HPCAL1: variants seen among roughly 807,000 people sequenced by gnomAD.
HPCAL1 encodes the protein hippocalcin like 1, also known as hippocalcin-like protein 1.
In HPCAL1, 8 loss-of-function variants were observed where a neutral mutation model predicts 17.1. The ratio of observed to expected loss-of-function variants is 0.47; its 90% CI spans 0.27 to 0.84. The LOEUF is 0.84. Ranked by LOEUF, HPCAL1 falls within the 40% of genes least tolerant of loss-of-function variation. HPCAL1 has a pLI of 0.13. For missense variants in HPCAL1, 165 were observed against 271.1 expected, an observed-to-expected ratio of 0.61 and a Z score of 2.75; for synonymous variants, 112 against 111.4, an observed-to-expected ratio of 1.01 and a Z score of -0.03.
At chr2:10,382,732 AC>A (rs78719627) in intron 1 of HPCAL1, among the ~76,000 whole-genome samples, 26,604 of 151,692 alleles carry the variant, frequency 0.18, 2,977 homozygotes, top group East Asian at 0.49. Context: ...CGCATGCACC[AC>A]CCCCTCCCTG....
At chr2:10,355,786 A>G (rs1300974666) in intron 1 of HPCAL1, among the ~76,000 whole-genome samples, 1 of 151,624 alleles carries the variant, frequency 6.6e-6, no homozygotes, top group Admixed American at 6.6e-5. Flanking sequence ...TTTTTTTCCT[A>G]AATAGATACA....
intron 1 of HPCAL1, among the ~76,000 whole-genome samples, chr2:10,393,814 T>A (rs1668845904): frequency 6.6e-6 from 1 of 152,120 alleles, no homozygotes; most frequent in Non-Finnish European, 1.5e-5. Flanking sequence ...TTCCATGGCC[T>A]TTTAAAAATC....
At chr2:10,387,051 G>T (rs1351948177) in intron 1 of HPCAL1, among the ~76,000 whole-genome samples, 1 of 152,186 alleles carries the variant, frequency 6.6e-6, no homozygotes, top group African/African-American at 2.4e-5. Context: ...GTCGCCCGGG[G>T]CAAGTGGCTC....
chr2:10,344,809 CTCTCTGTGTCTG>C lies in HPCAL1; in HGVS notation c.-111+41640_-111+41651del, dbSNP rs1041544580. Among the ~76,000 whole-genome samples, 1 of 151,914 alleles carries C rather than the reference CTCTCTGTGTCTG, an allele frequency of 6.6e-6. No individual in the cohort carries two copies. Among genetic ancestry groups the C allele is most frequent in the African/African-American group, 2.4e-5 (1 of 41,346 alleles). ...TGACTTTCTGTCTCTTTCTGCTTCT[CTCTCTGTGTCTG>C]TCTCTGTCTCTCTCTTTCTGTGTGT... On this transcript the variant is annotated intron_variant, in intron 1 of 4. Transcript: ENST00000307845. This position sits in a 1 kb window ranked among gnomAD's most constrained non-coding sequence, Gnocchi z 4.9.
At position 10,330,014 on chromosome 2, in the gene HPCAL1, C is replaced by T. The variant is rs1211806758; in HGVS notation, c.-111+26837C>T. ...GGGCCACACGGAAGGAGTTCCTGGTCTCGTGACACCTGCACAAATGGTCTT... is the reference window on the plus strand; with the variant it reads ...GGGCCACACGGAAGGAGTTCCTGGTTTCGTGACACCTGCACAAATGGTCTT... On this transcript the variant is annotated intron_variant, in intron 1 of 4. Coordinates refer to ENST00000307845, the MANE Select transcript of HPCAL1 (RefSeq NM_002149.4). This position sits in a 1 kb window ranked among gnomAD's most constrained non-coding sequence, Gnocchi z 4.2. 6.6e-6 allele frequency: 1 copy of T among 152,172 alleles called. No individual in the cohort carries two copies. Among genetic ancestry groups the T allele is most frequent in the Non-Finnish European group, 1.5e-5 (1 of 68,052 alleles). The allele number at this position is 152,172 out of a possible 1,614,324, so 9.4% of individuals were successfully genotyped here. A position where few individuals can be genotyped will look rare whatever the true frequency, so the allele number is the denominator to read the frequency against.
intron 2 of HPCAL1, among the ~76,000 whole-genome samples, chr2:10,416,157 G>C (rs140416400): frequency 3.3e-5 from 5 of 152,352 alleles, no homozygotes; most frequent in Non-Finnish European, 7.3e-5. Context: ...GGTAACCTCA[G>C]GTCCTCAGGC....
chr2:10,396,765 C>T (rs1181863988), intron 1 of HPCAL1, 70 bp from the exon 2 acceptor site: 1 of 152,322 alleles, frequency 6.6e-6, no homozygotes, highest in African/African-American at 2.4e-5. Flanking sequence ...ACAGAAGCAA[C>T]CAGAGGGAGG....
intron 1 of HPCAL1, among the ~76,000 whole-genome samples, chr2:10,360,526 C>T (rs1666455185): frequency 6.6e-6 from 1 of 152,066 alleles, no homozygotes; most frequent in African/African-American, 2.4e-5. Flanking sequence ...ATTCTCATGC[C>T]TCAGCCTCCC....
At position 10,365,559 on chromosome 2, in the gene HPCAL1, T is replaced by C. The variant is rs1349151929; in HGVS notation, c.-110-31276T>C. On this transcript the variant is annotated intron_variant, in intron 1 of 4. Coordinates refer to ENST00000307845, the MANE Select transcript of HPCAL1 (RefSeq NM_002149.4). The surrounding 1 kb of genome is among the most constrained non-coding windows in gnomAD (Gnocchi z 4.8). ...CCATTGTTTCTCTTCCCACCTGACC[T>C]TGGGTGGTTCCCCTTCAGCCCTGGC... 6.6e-6 allele frequency among the ~76,000 whole-genome samples: 1 copy of C among 152,116 alleles called. No homozygotes were observed. Among genetic ancestry groups the C allele is most frequent in the Non-Finnish European group, 1.5e-5 (1 of 68,014 alleles).
chr2:10,307,198 G>A (rs1301250941), intron 1 of HPCAL1, among the ~76,000 whole-genome samples: 1 of 152,182 alleles, frequency 6.6e-6, no homozygotes, highest in Non-Finnish European at 1.5e-5. Context: ...AATACGTACT[G>A]CATGGATAAG....
chr2:10,423,262 C>T (rs1671183946), intron 4 of HPCAL1, 174 bp downstream of exon 4: 1 of 628,142 alleles, frequency 1.6e-6, no homozygotes, highest in African/African-American at 1.8e-5. Context: ...TCAGGGACAC[C>T]CGTGCTGTAT....
chr2:10,389,334 G>A (rs13390904), intron 1 of HPCAL1, among the ~76,000 whole-genome samples: 7,650 of 152,282 alleles, frequency 0.05, 647 homozygotes, highest in African/African-American at 0.17. Context: ...GCCCTGCCCC[G>A]CAAGGAACAG....
chr2:10,389,708 G>A (rs1422812223), intron 1 of HPCAL1, among the ~76,000 whole-genome samples: 2 of 152,246 alleles, frequency 1.3e-5, no homozygotes, highest in Non-Finnish European at 2.9e-5. Flanking sequence ...CATCTGTTGT[G>A]TGGGGCACTG....
chr2:10,340,200 C>T (rs1664992146), intron 1 of HPCAL1, among the ~76,000 whole-genome samples: 1 of 152,234 alleles, frequency 6.6e-6, no homozygotes, highest in Admixed American at 6.5e-5. Context: ...TTCAGCCCCT[C>T]AACCAGCTGT....
intron 1 of HPCAL1, among the ~76,000 whole-genome samples, chr2:10,390,655 G>A (rs1668629911): frequency 6.6e-6 from 1 of 152,158 alleles, no homozygotes; most frequent in Non-Finnish European, 1.5e-5. Flanking sequence ...GCAGGTCCCA[G>A]TGAGCATGTG....
chr2:10,396,087 A>G (rs1669007877), intron 1 of HPCAL1, among the ~76,000 whole-genome samples: 1 of 152,166 alleles, frequency 6.6e-6, no homozygotes, highest in Admixed American at 6.5e-5. Flanking sequence ...GTGAGGGTTG[A>G]GGGTGGGAGT....
intron 1 of HPCAL1, among the ~76,000 whole-genome samples, chr2:10,309,071 G>A (rs1662798449): frequency 6.6e-6 from 1 of 151,548 alleles, no homozygotes; most frequent in African/African-American, 2.4e-5. Flanking sequence ...GTCTTGCTCT[G>A]TTGCCCAGGC....
chr2:10,332,992 G>A (rs71439003), intron 1 of HPCAL1, among the ~76,000 whole-genome samples: 25,942 of 150,018 alleles, frequency 0.17, 2,607 homozygotes, highest in Non-Finnish European at 0.23. Flanking sequence ...GAGGGGCAGG[G>A]TGGGTCTTTG....
chr2:10,334,381 A>T (rs569053876), intron 1 of HPCAL1, among the ~76,000 whole-genome samples: 1 of 151,892 alleles, frequency 6.6e-6, no homozygotes, highest in South Asian at 2.1e-4. Flanking sequence ...AGCATCATGT[A>T]CCTGTAGTCC....
Sources: gnomAD v4.1 joint callset for allele counts (sites outside exome capture counted in the v4.1 genomes callset) on GRCh38, gnomAD v4.1.1 for gene constraint, Gnocchi (gnomAD v3.1) non-coding constraint, MANE v1.5 for transcripts, NCBI Gene and HGNC (gene_info 2026-07-23, HGNC 2026-07-21) for gene names.